The following CHST11 variants were observed in gnomAD, a reference collection of about 807,000 sequenced individuals.
CHST11 encodes the protein C4S-1.
In CHST11, 9 loss-of-function variants were observed where a neutral mutation model predicts 30.4. That is an observed-to-expected ratio of 0.30 (90% CI 0.18 to 0.52). The LOEUF is 0.52. Ranked by LOEUF, CHST11 falls within the 20% of genes least tolerant of loss-of-function variation. The pLI, the probability that CHST11 is intolerant of heterozygous loss-of-function variation, is 0.97. For missense variants in CHST11, 348 were observed against 460.6 expected (o/e 0.76, Z 2.24); for synonymous variants, 152 against 187.8 (o/e 0.81, Z 1.56).
At chr12:104,518,968 TTC>T (rs1008750646) in intron 1 of CHST11, among the ~76,000 whole-genome samples, 4 of 116,580 alleles carry the variant, frequency 3.4e-5, no homozygotes, top group African/African-American at 1.7e-4. Flanking sequence ...TTTTCTTTTT[TTC>T]TTTCTTTTTT....
intron 2 of CHST11, among the ~76,000 whole-genome samples, chr12:104,722,466 G>A (rs989123576): frequency 2.0e-5 from 3 of 152,184 alleles, no homozygotes; most frequent in African/African-American, 7.2e-5. Context: ...CTGAACTGCA[G>A]TACTTAGATG....
At chr12:104,483,757 T>C (rs2037651613) in intron 1 of CHST11, among the ~76,000 whole-genome samples, 1 of 152,102 alleles carries the variant, frequency 6.6e-6, no homozygotes, top group South Asian at 2.1e-4. Context: ...TACGCCCCCT[T>C]AGTGAGTTTG....
At chr12:104,560,904 A>G (rs116427729) in intron 1 of CHST11, among the ~76,000 whole-genome samples, 3,429 of 152,266 alleles carry the variant, frequency 0.023, 142 homozygotes, top group African/African-American at 0.078. Flanking sequence ...CTGCTGTGAC[A>G]TTGCTGTGGT....
Position 104,471,696 on chromosome 12 carries a change from A to G in CHST11, c.118+14167A>G, listed in dbSNP as rs931424874. On this transcript the variant is annotated intron_variant, in intron 1 of 2. Transcript: ENST00000303694. Reference sequence around the variant, plus strand: ...CATTTTTACATTGAAAAAAGTGAAAAGAAACAGGTGAGATTAATACCTGAA... The same window carrying G: ...CATTTTTACATTGAAAAAAGTGAAAGGAAACAGGTGAGATTAATACCTGAA... Among the ~76,000 whole-genome samples, 51 of 152,210 alleles carry G rather than the reference A, an allele frequency of 3.4e-4. 1 individual carries two copies. The highest frequency in any genetic ancestry group is 4.4e-5 in the Non-Finnish European group (3 of 68,044).
chr12:104,545,060 T>C (rs1349489045), intron 1 of CHST11, among the ~76,000 whole-genome samples: 1 of 151,984 alleles, frequency 6.6e-6, no homozygotes, highest in Non-Finnish European at 1.5e-5. Flanking sequence ...ATGGCAAGAA[T>C]CCCCTGGAGC....
chr12:104,715,817 G>A (rs1045990896), intron 2 of CHST11, among the ~76,000 whole-genome samples: 1 of 152,172 alleles, frequency 6.6e-6, no homozygotes, highest in African/African-American at 2.4e-5. Flanking sequence ...AAAGGGTTCT[G>A]GGGCTGCAGG....
At chr12:104,754,587 C>G (rs895347267) in intron 2 of CHST11, among the ~76,000 whole-genome samples, 1 of 152,206 alleles carries the variant, frequency 6.6e-6, no homozygotes, top group Non-Finnish European at 1.5e-5. Flanking sequence ...TTGCTTCTAC[C>G]TCATTCTACT....
rs147832113 is a variant in CHST11 at position 104,648,607 on chromosome 12, C to T, written c.204+46616C>T. On this transcript the variant is annotated intron_variant, in intron 2 of 2. Transcript: ENST00000303694. ...GGTGGATCACTTGCGGTCAGGAGTT[C>T]GAGACCAGCCTGGCTAACATGGAGA... Among the ~76,000 whole-genome samples the T allele has an allele frequency of 6.9e-3, 1,055 of 152,100 alleles. 12 individuals are homozygous for T. Among genetic ancestry groups the T allele is most frequent in the African/African-American group, 0.024 (978 of 41,478 alleles).
At chr12:104,750,481 A>C (rs1313512930) in intron 2 of CHST11, among the ~76,000 whole-genome samples, 2 of 98,848 alleles carry the variant, frequency 2.0e-5, no homozygotes, top group African/African-American at 7.9e-5. Flanking sequence ...TCGCTCTGTC[A>C]CCCAGGCCGG....
intron 1 of CHST11, among the ~76,000 whole-genome samples, chr12:104,541,206 GATTA>G (rs1453085381): frequency 6.6e-6 from 1 of 151,998 alleles, no homozygotes; most frequent in African/African-American, 2.4e-5. Flanking sequence ...CTTCTTTTGT[GATTA>G]ATTGAGAGTC....
chr12:104,533,027 C>T (rs2038201201), intron 1 of CHST11, among the ~76,000 whole-genome samples: 2 of 152,218 alleles, frequency 1.3e-5, no homozygotes, highest in Admixed American at 1.3e-4. Context: ...CCTCCTGCCT[C>T]AGCCTCCTGA....
chr12:104,690,655 A>C (rs1439550556), intron 2 of CHST11, among the ~76,000 whole-genome samples: 2 of 151,998 alleles, frequency 1.3e-5, no homozygotes, highest in Non-Finnish European at 2.9e-5. Flanking sequence ...GTGAAACCCC[A>C]TCTCTACATA....
At chr12:104,635,388 G>A (rs919288730) in intron 2 of CHST11, among the ~76,000 whole-genome samples, 5 of 152,162 alleles carry the variant, frequency 3.3e-5, no homozygotes, top group Non-Finnish European at 5.9e-5. Flanking sequence ...GCACACGCCC[G>A]GGGCTTCCAG....
intron 2 of CHST11, among the ~76,000 whole-genome samples, chr12:104,628,619 C>A (rs756178577): frequency 1.3e-4 from 20 of 152,088 alleles, no homozygotes; most frequent in Non-Finnish European, 2.9e-4. Context: ...GAGCTGGCCC[C>A]TCCCTCCCTC....
intron 1 of CHST11, among the ~76,000 whole-genome samples, chr12:104,553,723 C>T (rs528846894): frequency 3.3e-5 from 5 of 152,284 alleles, no homozygotes; most frequent in East Asian, 1.9e-4. Flanking sequence ...ATGTTAGGTT[C>T]GTCCCCCAGC....
At chr12:104,507,992 T>C (rs751580671) in intron 1 of CHST11, among the ~76,000 whole-genome samples, 3 of 152,158 alleles carry the variant, frequency 2.0e-5, no homozygotes, top group Non-Finnish European at 4.4e-5. Context: ...CAATCTACCA[T>C]GAGTACTAAC....
At chr12:104,581,474 A>C (rs1158299800) in intron 1 of CHST11, among the ~76,000 whole-genome samples, 2 of 152,298 alleles carry the variant, frequency 1.3e-5, no homozygotes, top group African/African-American at 4.8e-5. Context: ...AACTTCTTGT[A>C]GTTTTTCAGA....
intron 2 of CHST11, among the ~76,000 whole-genome samples, chr12:104,625,208 C>T (rs34536312): frequency 0.058 from 8,770 of 152,260 alleles, 685 homozygotes; most frequent in African/African-American, 0.18. Flanking sequence ...ACTGGAGATG[C>T]CCCAGTGTTC....
chr12:104,669,607 A>G (rs1566030838), intron 2 of CHST11, among the ~76,000 whole-genome samples: 2 of 152,064 alleles, frequency 1.3e-5, no homozygotes, highest in Admixed American at 1.3e-4. Flanking sequence ...TCTGCAGTGG[A>G]CTGTGTTTCT....
Sources: gnomAD v4.1 joint callset for allele counts (sites outside exome capture counted in the v4.1 genomes callset) on GRCh38, gnomAD v4.1.1 for gene constraint, MANE v1.5 for transcripts, NCBI Gene and HGNC (gene_info 2026-07-23, HGNC 2026-07-21) for gene names.